Variants in HS3ST2 observed in about 807,000 individuals in gnomAD.
HS3ST2 encodes heparan sulfate-glucosamine 3-sulfotransferase 2.
Under a neutral mutation model 26.3 loss-of-function variants are expected in HS3ST2, and 17 were observed. That is an observed-to-expected ratio of 0.65 (90% CI 0.44 to 0.97). The LOEUF (loss-of-function observed/expected upper bound fraction) is 0.97. HS3ST2 is among the 50% of genes least tolerant of loss of function. The pLI, the probability that HS3ST2 is intolerant of heterozygous loss-of-function variation, is 0.00. For synonymous variants in HS3ST2, 237 were observed against 219.2 expected (o/e 1.08, Z -0.72); for missense variants, 402 against 501.2 (o/e 0.80, Z 1.89).
intron 1 of HS3ST2, among the ~76,000 whole-genome samples, chr16:22,878,492 G>T (rs951234708): frequency 6.6e-6 from 1 of 152,060 alleles, no homozygotes; most frequent in African/African-American, 2.4e-5. Context: ...GAGTTGAAAG[G>T]GATTAACCAG....
intron 1 of HS3ST2, among the ~76,000 whole-genome samples, chr16:22,912,328 T>C (rs1902433969): frequency 1.3e-5 from 2 of 151,832 alleles, no homozygotes; most frequent in Admixed American, 6.6e-5. Context: ...ATACTTGGAG[T>C]GTCAAAGGTC....
intron 1 of HS3ST2, among the ~76,000 whole-genome samples, chr16:22,833,027 G>A (rs767252883): frequency 7.9e-5 from 12 of 152,090 alleles, no homozygotes; most frequent in Non-Finnish European, 1.2e-4. Context: ...CTTCTTCTGA[G>A]TACTATGTAG....
chr16:22,915,452 A>T lies in HS3ST2; in HGVS notation c.994A>T (p.Arg332Ter). The T allele has an allele frequency of 6.2e-7, 1 of 1,614,096 alleles. No homozygotes were observed. The highest frequency in any genetic ancestry group is 8.5e-7 in the Non-Finnish European group (1 of 1,180,034). ...TCGATGCTTGGGCAAATCAAAAGGG[A>T]GAACTCATGTACAGATTGATCCTGA... ...LPRCLGKSKG[R>*]THVQIDPEVI... The change falls in exon 2 of 2, where the codon AGA (arginine) becomes TGA (stop). Residue 332 changes from arginine (R) to a stop codon, truncating the protein, a stop_gained. Coordinates refer to ENST00000261374, the MANE Select transcript of HS3ST2 (RefSeq NM_006043.2). LOFTEE classifies it high-confidence loss of function.
At chr16:22,843,529 A>T (rs1901388678) in intron 1 of HS3ST2, among the ~76,000 whole-genome samples, 1 of 152,216 alleles carries the variant, frequency 6.6e-6, no homozygotes, top group African/African-American at 2.4e-5. Context: ...CACAGAATTC[A>T]GGGAAACACA....
At position 22,873,326 on chromosome 16, in the gene HS3ST2, A is replaced by G. The variant is rs79194997; in HGVS notation, c.486-41618A>G. Among the ~76,000 whole-genome samples, 1,146 of 152,312 alleles carry G rather than the reference A, an allele frequency of 7.5e-3. 16 individuals are homozygous for G. Among genetic ancestry groups the G allele is most frequent in the African/African-American group, 0.026 (1,073 of 41,568 alleles). The stretch of plus-strand genomic sequence containing the variant: ...TTATTAAATGGGAGTGGTGGGAGCA[A>G]AGGAAACCAAGAATTCTTTAAACAC... On this transcript the variant is annotated intron_variant, in intron 1 of 1. Coordinates refer to ENST00000261374, the MANE Select transcript of HS3ST2 (RefSeq NM_006043.2).
chr16:22,877,443 A>G (rs1901936277), intron 1 of HS3ST2, among the ~76,000 whole-genome samples: 1 of 152,172 alleles, frequency 6.6e-6, no homozygotes, highest in South Asian at 2.1e-4. Context: ...TGGGCCGGGA[A>G]ATGGAGCTTC....
At chr16:22,897,589 T>A (rs1248339385) in intron 1 of HS3ST2, among the ~76,000 whole-genome samples, 1 of 152,258 alleles carries the variant, frequency 6.6e-6, no homozygotes, top group Non-Finnish European at 1.5e-5. Context: ...TCCTAAACGA[T>A]GAAGTTGGTT....
intron 1 of HS3ST2, among the ~76,000 whole-genome samples, chr16:22,861,837 C>T (rs957829862): frequency 5.9e-5 from 9 of 152,138 alleles, no homozygotes; most frequent in African/African-American, 1.7e-4. Flanking sequence ...CCTGCTGAGC[C>T]GCTTCCCTGC....
intron 1 of HS3ST2, among the ~76,000 whole-genome samples, chr16:22,816,264 T>C (rs937433057): frequency 1.3e-5 from 2 of 152,240 alleles, no homozygotes; most frequent in African/African-American, 4.8e-5. Context: ...AGGGGTAACA[T>C]GGTAGCTGAC....
chr16:22,915,183 A>G lies in HS3ST2; in HGVS notation c.725A>G (p.Asp242Gly). ...CGCAACCGCACCCTGGGCCTGGTGG[A>G]CGTGTCATGGAACGCCATCCGCATC... ...SFRNRTLGLVDVSWNAIRIGM... is the reference protein window; with the variant it reads ...SFRNRTLGLVGVSWNAIRIGM... The change falls in exon 2 of 2, where the codon GAC (aspartate) becomes GGC (glycine). Residue 242 changes from aspartate (D) to glycine (G), a missense_variant. Physicochemically the swap from Asp to Gly is moderately conservative, Grantham distance 94. This residue lies in a region of HS3ST2 where 237 missense variants were observed against 346.6 expected (regional missense o/e 0.68). Coordinates refer to ENST00000261374, the MANE Select transcript of HS3ST2 (RefSeq NM_006043.2). 6.2e-7 allele frequency: 1 copy of G among 1,614,130 alleles called. No homozygotes were observed. The highest frequency in any genetic ancestry group is 1.1e-5 in the South Asian group (1 of 91,078).
intron 1 of HS3ST2, among the ~76,000 whole-genome samples, chr16:22,871,099 T>C (rs1344992043): frequency 6.6e-6 from 1 of 152,212 alleles, no homozygotes; most frequent in African/African-American, 2.4e-5. Flanking sequence ...GGCTCATGCC[T>C]GTAATCCCAG....
chr16:22,880,408 C>A (rs1901972445), intron 1 of HS3ST2, among the ~76,000 whole-genome samples: 1 of 151,988 alleles, frequency 6.6e-6, no homozygotes, highest in Admixed American at 6.6e-5. Context: ...CAGAGTGAGA[C>A]CTTGTCTCTA....
intron 1 of HS3ST2, among the ~76,000 whole-genome samples, chr16:22,887,020 G>A (rs1453724613): frequency 1.3e-5 from 2 of 152,154 alleles, no homozygotes; most frequent in Non-Finnish European, 2.9e-5. Flanking sequence ...CCAAAGCACT[G>A]GGATTACAGA....
At chr16:22,837,529 ATATACACAGATATATGTATATATATG>A in intron 1 of HS3ST2, among the ~76,000 whole-genome samples, 1 of 146,156 alleles carries the variant, frequency 6.8e-6, no homozygotes, top group Admixed American at 6.9e-5. Context: ...ATACACATAT[ATATACACAGATATATGTATATATATG>A]TATATATATA....
chr16:22,911,446 C>T (rs1323561626), intron 1 of HS3ST2, among the ~76,000 whole-genome samples: 1 of 152,148 alleles, frequency 6.6e-6, no homozygotes, highest in Non-Finnish European at 1.5e-5. Context: ...CTGTGGCTAC[C>T]ATAACAAATT....
At chr16:22,875,274 A>G (rs1901898751) in intron 1 of HS3ST2, among the ~76,000 whole-genome samples, 2 of 152,160 alleles carry the variant, frequency 1.3e-5, no homozygotes, top group African/African-American at 4.8e-5. Context: ...CCAAAATGTT[A>G]AAAATAAATT....
chr16:22,817,386 A>G (rs1280096381), intron 1 of HS3ST2, among the ~76,000 whole-genome samples: 3 of 152,292 alleles, frequency 2.0e-5, no homozygotes, highest in East Asian at 1.9e-4. Flanking sequence ...CCACACCCCT[A>G]GAGTCAAGTG....
chr16:22,819,131 CATT>C (rs1567478701), intron 1 of HS3ST2, among the ~76,000 whole-genome samples: 1 of 52,100 alleles, frequency 1.9e-5, no homozygotes, highest in African/African-American at 7.8e-5. Context: ...TTCCTTCCTT[CATT>C]CCTTCCTTCC....
chr16:22,867,023 C>G (rs1444012988), intron 1 of HS3ST2, among the ~76,000 whole-genome samples: 3 of 152,078 alleles, frequency 2.0e-5, no homozygotes, highest in Non-Finnish European at 4.4e-5. Flanking sequence ...TGGAGAAAAT[C>G]TGAACATGGA....
Sources: gnomAD v4.1 joint callset for allele counts (sites outside exome capture counted in the v4.1 genomes callset) on GRCh38, gnomAD v4.1.1 for gene constraint, gnomAD v4.1.1 regional missense constraint, MANE v1.5 for transcripts, NCBI Gene and HGNC (gene_info 2026-07-23, HGNC 2026-07-21) for gene names.